The following SDR39U1 variants were observed in gnomAD, a reference collection of about 807,000 sequenced individuals.
The protein encoded by SDR39U1 is short chain dehydrogenase/reductase family 39U member 1.
A neutral mutation model predicts 31.7 loss-of-function variants in SDR39U1; 29 were observed. The observed-to-expected ratio is 0.92, with a 90% CI of 0.68 to 1.25. The LOEUF is 1.25. Ranked by LOEUF, SDR39U1 falls within the 50% of genes most tolerant of loss-of-function variation. The pLI, the probability that SDR39U1 is intolerant of heterozygous loss-of-function variation, is 0.00. For missense variants in SDR39U1, 403 were observed against 378.4 expected (o/e 1.06, Z -0.54); for synonymous variants, 147 against 159.0 (o/e 0.92, Z 0.57).
chr14:24,441,539 A>C, intron 4 of SDR39U1, 135 bp downstream of exon 4: 1 of 674,158 alleles, frequency 1.5e-6, no homozygotes, highest in Non-Finnish European at 2.4e-6. Flanking sequence ...GTTAGGAGAA[A>C]CATGCATGGA....
rs2043294976 is a variant in SDR39U1, at chr14:24,440,446, C to T, written c.519G>A (p.Leu173=). The T allele has an allele frequency of 6.2e-7, 1 of 1,611,322 alleles. No homozygotes were observed. The highest frequency in any genetic ancestry group is 2.2e-5 in the East Asian group (1 of 44,762). Residue 173 remains leucine, a synonymous_variant, in exon 6 of 6, where the codon CTG becomes CTA. Transcript: ENST00000399395. ...RGGGAMGHML[L]PFRLGLGGPI... ...GGCCCCCCAGGCCCAGGCGAAAGGG[C>T]AGCAGCATGTGGCCCATGGCACCAC...
intron 5 of SDR39U1, 133 bp from the exon 6 acceptor site, chr14:24,440,625 G>C: frequency 7.4e-7 from 1 of 1,358,396 alleles, no homozygotes; most frequent in Non-Finnish European, 1.0e-6. Flanking sequence ...GAGCAGTATG[G>C]CTGTCTTTAA....
Position 24,439,982 on chromosome 14 carries a change from A to G in SDR39U1, c.*101T>C. 4.2e-6 allele frequency: 4 copies of G among 959,704 alleles called. No individual in the cohort carries two copies. Among genetic ancestry groups the G allele is most frequent in the Non-Finnish European group, 6.1e-6 (4 of 657,034 alleles). The allele number at this position is 959,704 out of a possible 1,614,324, so 59.4% of individuals were successfully genotyped here. On this transcript the variant is annotated 3_prime_UTR_variant, in exon 6 of 6. Coordinates refer to ENST00000399395, the MANE Select transcript of SDR39U1 (RefSeq NM_020195.3). The stretch of plus-strand genomic sequence containing the variant: ...GAAAGAGGACTGGGAGAGGAATCTA[A>G]GAACCAGATGGCTTCAGCTCTCTAG...
rs2043376341 is a variant in SDR39U1, at chr14:24,442,398, C to A, written c.71G>T (p.Gly24Val). ...TCGGGAGACCAACGTCACTTCGTGGCCTCTGGCATTCAGCAGCTGGGTTAG... is the reference window on the plus strand; with the variant it reads ...TCGGGAGACCAACGTCACTTCGTGGACTCTGGCATTCAGCAGCTGGGTTAG... ...TALTQLLNARGHEVTLVSRKP... is the reference protein window; with the variant it reads ...TALTQLLNARVHEVTLVSRKP... The change falls in exon 2 of 6, where the codon GGC (glycine) becomes GTC (valine). Residue 24 changes from glycine (G) to valine (V), a missense_variant. Gly to Val is a moderately radical substitution (Grantham distance 109). Transcript: ENST00000399395. The A allele has an allele frequency of 6.2e-7, 1 of 1,611,858 alleles. No homozygotes were observed. The highest frequency in any genetic ancestry group is 8.5e-7 in the Non-Finnish European group (1 of 1,179,004).
Position 24,442,383 on chromosome 14 carries a change from A to G in SDR39U1, c.86T>C (p.Leu29Ser), listed in dbSNP as rs751655467. ...GCCGGGCCCGGGCTTTCGGGAGACC[A>G]ACGTCACTTCGTGGCCTCTGGCATT... ...LLNARGHEVT[L>S]VSRKPGPGRI... The change falls in exon 2 of 6, where the codon TTG (leucine) becomes TCG (serine). Residue 29 changes from leucine (L) to serine (S), a missense_variant. Transcript: ENST00000399395. The G allele has an allele frequency of 5.1e-5, 83 of 1,611,988 alleles. No homozygotes were observed. The highest frequency in any genetic ancestry group is 3.4e-6 in the Non-Finnish European group (4 of 1,179,102).
chr14:24,441,662 T>TG lies in SDR39U1; in HGVS notation c.328+11dup, dbSNP rs1490280065. On this transcript the variant is annotated intron_variant, in intron 4 of 5. Transcript: ENST00000399395. Reference sequence around the variant, plus strand: ...TGGCGAATATAAGGGGCTGGTGATTTGGGGGGCGTACCTACACCTGTGACT... The same window carrying TG: ...TGGCGAATATAAGGGGCTGGTGATTTGGGGGGGCGTACCTACACCTGTGACT... The TG allele has an allele frequency of 1.9e-6, 3 of 1,571,608 alleles. No individual in the cohort carries two copies. The highest frequency in any genetic ancestry group is 2.6e-6 in the Non-Finnish European group (3 of 1,164,770).
chr14:24,442,472 T>C lies in SDR39U1; in HGVS notation c.17-20A>G. The C allele has an allele frequency of 6.3e-7, 1 of 1,579,174 alleles. No individual in the cohort carries two copies. Among genetic ancestry groups the C allele is most frequent in the Non-Finnish European group, 8.6e-7 (1 of 1,160,954 alleles). ...CGCCACCTGATCGGAAAATACAAATTGTTTATATTCCCGTGGAGTTGGGGT... is the reference window on the plus strand; with the variant it reads ...CGCCACCTGATCGGAAAATACAAATCGTTTATATTCCCGTGGAGTTGGGGT... On this transcript the variant is annotated intron_variant, in intron 1 of 5. Transcript: ENST00000399395.
chr14:24,442,003 G>T, intron 3 of SDR39U1, 175 bp downstream of exon 3: 2 of 1,457,016 alleles, frequency 1.4e-6, no homozygotes, highest in South Asian at 1.2e-5. Context: ...AAGCCAATTG[G>T]CTGACTGGGT....
chr14:24,442,810 T>TA (rs769282492), upstream of SDR39U1: 49 of 1,612,422 alleles, frequency 3.0e-5, no homozygotes, highest in South Asian at 7.7e-5. Context: ...GTTTAGAGTT[T>TA]ACCTCACCTC....
chr14:24,440,591 C>G, intron 5 of SDR39U1, 99 bp from the exon 6 acceptor site: 2 of 1,440,468 alleles, frequency 1.4e-6, no homozygotes, highest in Non-Finnish European at 1.9e-6. Context: ...TCTCCCCATG[C>G]TGACTTGGCT....
At chr14:24,441,829 AAATAC>A in intron 3 of SDR39U1, 34 bp from the exon 4 acceptor site, 2 of 1,594,274 alleles carry the variant, frequency 1.3e-6, no homozygotes, top group East Asian at 2.2e-5. Context: ...AAAAGCCACT[AAATAC>A]ATAAGTGCAC....
At chr14:24,442,596 T>A in intron 1 of SDR39U1, 144 bp from the exon 2 acceptor site, 1 of 1,224,280 alleles carries the variant, frequency 8.2e-7, no homozygotes, top group South Asian at 1.2e-5. Context: ...GATGCAGAGG[T>A]GACACAGGTC....
Position 24,440,290 on chromosome 14 carries a change from AT to A in SDR39U1, c.674del (p.Asn225MetfsTer43). On this transcript the variant is annotated frameshift_variant, in exon 6 of 6. Transcript: ENST00000399395. LOFTEE classifies it high-confidence loss of function. ...LNGVAPSSAT[N>X]AEFAQTLGAA... The stretch of plus-strand genomic sequence containing the variant: ...CACCCAAGGTCTGGGCAAACTCAGC[AT>A]TAGTGGCGGAGGATGGAGCCACTCC... 1.2e-6 allele frequency: 2 copies of A among 1,614,032 alleles called. No individual in the cohort carries two copies. Among genetic ancestry groups the A allele is most frequent in the Non-Finnish European group, 8.5e-7 (1 of 1,179,896 alleles).
Position 24,440,260 on chromosome 14 carries a change from G to A in SDR39U1, c.705C>T (p.Ala235=). 2 of 1,613,972 alleles carry A rather than the reference G, an allele frequency of 1.2e-6. No homozygotes were observed. Among genetic ancestry groups the A allele is most frequent in the East Asian group, 2.2e-5 (1 of 44,882 alleles). Residue 235 remains alanine, a synonymous_variant, in exon 6 of 6, where the codon GCC becomes GCT. Coordinates refer to ENST00000399395, the MANE Select transcript of SDR39U1 (RefSeq NM_020195.3). ...GAGGGATGAAGGCTCGGCGGCCCAG[G>A]GCAGCACCCAAGGTCTGGGCAAACT... is the stretch of plus-strand genomic sequence containing the variant. ...NAEFAQTLGA[A]LGRRAFIPLP...
At chr14:24,441,496 A>G (rs2043337688) in intron 4 of SDR39U1, 178 bp downstream of exon 4, 1 of 566,468 alleles carries the variant, frequency 1.8e-6, no homozygotes, top group Non-Finnish European at 3.0e-6. Context: ...CTGTTTTTTC[A>G]GGGTCTCAAT....
At chr14:24,441,835 A>C (rs199558580) in intron 3 of SDR39U1, 40 bp from the exon 4 acceptor site, 5 of 1,582,842 alleles carry the variant, frequency 3.2e-6, no homozygotes, top group Non-Finnish European at 4.3e-6. Flanking sequence ...CACTAAATAC[A>C]TAAGTGCACA....
At chr14:24,441,452 A>C (rs775202586) in intron 4 of SDR39U1, 9 of 521,490 alleles carry the variant, frequency 1.7e-5, no homozygotes, top group Non-Finnish European at 3.0e-5. Context: ...GGATAGGTGG[A>C]CTTTTCCCTG....
rs181047281 is a variant in SDR39U1, at chr14:24,442,045, A to C, written c.206+133T>G. On this transcript the variant is annotated intron_variant, in intron 3 of 5. Transcript: ENST00000399395. Reference sequence around the variant, plus strand: ...GCAGGTGGGGGTGGAGGAGTGGAGCAGAATGAGTAGTCTGGGATATCGGTT... The same window carrying C: ...GCAGGTGGGGGTGGAGGAGTGGAGCCGAATGAGTAGTCTGGGATATCGGTT... 238 of 1,537,956 alleles carry C rather than the reference A, an allele frequency of 1.5e-4. 1 individual carries two copies. In the African/African-American group the frequency reaches 3.0e-3, roughly 19 times the overall value.
At chr14:24,442,008 C>G (rs2043358352) in intron 3 of SDR39U1, 170 bp downstream of exon 3, 4 of 1,475,366 alleles carry the variant, frequency 2.7e-6, no homozygotes, top group South Asian at 2.4e-5. Flanking sequence ...AATTGGCTGA[C>G]TGGGTGGAGG....
Sources: allele counts gnomAD v4.1 joint callset, GRCh38; gene constraint gnomAD v4.1.1; transcripts MANE v1.5; gene names NCBI Gene and HGNC (gene_info 2026-07-23, HGNC 2026-07-21).